The following PPP3CA variants were observed in gnomAD, a reference collection of about 807,000 sequenced individuals.
The protein encoded by PPP3CA is CAM-PRP catalytic subunit.
PPP3CA carries 14 observed loss-of-function variants against 66.5 expected under a neutral mutation model. The ratio of observed to expected loss-of-function variants is 0.21; its 90% CI spans 0.14 to 0.33. The LOEUF (loss-of-function observed/expected upper bound fraction) is 0.33, where lower values mean the gene tolerates loss of function less well. Ranked by LOEUF, PPP3CA falls within the 10% of genes least tolerant of loss-of-function variation. The pLI, the probability that PPP3CA is intolerant of heterozygous loss-of-function variation, is 1.00. For missense variants in PPP3CA, 317 were observed against 639.5 expected, an observed-to-expected ratio of 0.50 and a Z score of 5.44; for synonymous variants, 232 against 226.2, an observed-to-expected ratio of 1.03 and a Z score of -0.23.
chr4:101,034,127 T>TAAAC (rs1476984526), intron 11 of PPP3CA, among the ~76,000 whole-genome samples: 1 of 152,114 alleles, frequency 6.6e-6, no homozygotes, highest in Non-Finnish European at 1.5e-5. Context: ...GGCCTTAAAA[T>TAAAC]AAACAGCTAC....
chr4:101,221,278 C>A (rs1725615589), intron 1 of PPP3CA, among the ~76,000 whole-genome samples: 1 of 151,602 alleles, frequency 6.6e-6, no homozygotes, highest in South Asian at 2.1e-4. Flanking sequence ...AAGGGACTCA[C>A]ATGGAATTAT....
At chr4:101,275,256 T>C (rs1727453228) in intron 1 of PPP3CA, among the ~76,000 whole-genome samples, 1 of 152,200 alleles carries the variant, frequency 6.6e-6, no homozygotes, top group South Asian at 2.1e-4. Flanking sequence ...TTTGGTTAAC[T>C]GCCACCCATA....
intron 2 of PPP3CA, among the ~76,000 whole-genome samples, 190 bp downstream of exon 2, chr4:101,195,724 TAC>T (rs147870939): frequency 1.9e-3 from 289 of 152,346 alleles, no homozygotes; most frequent in East Asian, 0.014. Flanking sequence ...ATTGCAATCT[TAC>T]AGATATTTAA....
intron 1 of PPP3CA, among the ~76,000 whole-genome samples, chr4:101,237,144 C>A (rs985925620): frequency 2.7e-5 from 4 of 150,400 alleles, no homozygotes; most frequent in African/African-American, 9.8e-5. Flanking sequence ...TATTAGCTCT[C>A]TTTTTTCTAT....
intron 1 of PPP3CA, among the ~76,000 whole-genome samples, chr4:101,341,260 C>T (rs1729807238): frequency 6.7e-6 from 1 of 149,968 alleles, no homozygotes; most frequent in East Asian, 1.9e-4. Context: ...AAGCTTCCAC[C>T]TCAGCATCCC....
chr4:101,235,561 G>C lies in PPP3CA; in HGVS notation c.59-39445C>G, dbSNP rs76116283. Among the ~76,000 whole-genome samples, 20 of 151,884 alleles carry C rather than the reference G, an allele frequency of 1.3e-4. 1 individual carries two copies. The East Asian group carries it at 3.7e-3, about 28-fold the overall frequency. ...CTAATTAATAATTCTCCCCTCATTA[G>C]ACTATGAATTCCATGAAGAAAGATT... is the stretch of plus-strand genomic sequence containing the variant. On this transcript the variant is annotated intron_variant, in intron 1 of 13. Transcript: ENST00000394854.
rs946259328 is a variant in PPP3CA at position 101,323,449 on chromosome 4, T to A, written c.58+23290A>T. On this transcript the variant is annotated intron_variant, in intron 1 of 13. Transcript: ENST00000394854. ...GTGATGAGTGTTACTTGCTCCCTCT[T>A]CAGTCAAGGATGGACTGATTAACCC... Among the ~76,000 whole-genome samples the A allele has an allele frequency of 1.1e-4, 17 of 152,202 alleles. 1 individual carries two copies. Among genetic ancestry groups the A allele is most frequent in the African/African-American group, 3.9e-4 (16 of 41,452 alleles).
chr4:101,147,465 A>G (rs967673514), intron 2 of PPP3CA, among the ~76,000 whole-genome samples: 7 of 152,324 alleles, frequency 4.6e-5, no homozygotes, highest in Admixed American at 3.9e-4. Flanking sequence ...ATCAAAGGGT[A>G]CTAACTAAAA....
At chr4:101,097,664 A>T (rs17829004) in intron 5 of PPP3CA, among the ~76,000 whole-genome samples, 2 of 152,118 alleles carry the variant, frequency 1.3e-5, no homozygotes, top group South Asian at 4.1e-4. Flanking sequence ...AGTTAGAAAC[A>T]TACCAAAGAA....
At chr4:101,164,562 G>GTTTTTTTTTT (rs36078367) in intron 2 of PPP3CA, among the ~76,000 whole-genome samples, 1 of 142,190 alleles carries the variant, frequency 7.0e-6, no homozygotes, top group Non-Finnish European at 1.5e-5. Flanking sequence ...TGGGATTTAA[G>GTTTTTTTTTT]TTTTTTTTTT....
chr4:101,161,021 G>C (rs950807686), intron 2 of PPP3CA, among the ~76,000 whole-genome samples: 1 of 152,004 alleles, frequency 6.6e-6, no homozygotes, highest in African/African-American at 2.4e-5. Flanking sequence ...ATGATGGTAG[G>C]CCCATAAGAT....
At chr4:101,227,642 T>C (rs1725825845) in intron 1 of PPP3CA, among the ~76,000 whole-genome samples, 1 of 151,186 alleles carries the variant, frequency 6.6e-6, no homozygotes. Context: ...TTGCAGGGGG[T>C]TGGTGTACAG....
chr4:101,185,165 GAA>G (rs35724089), intron 2 of PPP3CA, among the ~76,000 whole-genome samples: 1 of 145,072 alleles, frequency 6.9e-6, no homozygotes, highest in African/African-American at 2.5e-5. Flanking sequence ...TTCTAACTAG[GAA>G]AAAAAAAAAG....
chr4:101,316,979 G>A (rs1314248920), intron 1 of PPP3CA, among the ~76,000 whole-genome samples: 2 of 152,070 alleles, frequency 1.3e-5, no homozygotes, highest in Admixed American at 1.3e-4. Flanking sequence ...ATAGAGGAAG[G>A]AGTCATTTCA....
At chr4:101,069,529 A>G (rs957955883) in intron 8 of PPP3CA, among the ~76,000 whole-genome samples, 10 of 152,334 alleles carry the variant, frequency 6.6e-5, no homozygotes, top group African/African-American at 2.4e-4. Context: ...TGAAGGGCAG[A>G]GATGGCAATA....
chr4:101,211,367 G>C (rs1036998966), intron 1 of PPP3CA, among the ~76,000 whole-genome samples: 26 of 152,234 alleles, frequency 1.7e-4, no homozygotes, highest in Non-Finnish European at 2.9e-4. Flanking sequence ...GATGGACATA[G>C]AAAGCCTTAA....
chr4:101,339,902 G>A (rs1209367892), intron 1 of PPP3CA, among the ~76,000 whole-genome samples: 1 of 152,070 alleles, frequency 6.6e-6, no homozygotes, highest in African/African-American at 2.4e-5. Flanking sequence ...GAAAGAACTG[G>A]ACATTTTAAA....
chr4:101,167,945 T>G (rs1578514852), intron 2 of PPP3CA, among the ~76,000 whole-genome samples: 2 of 152,268 alleles, frequency 1.3e-5, no homozygotes, highest in East Asian at 1.9e-4. Context: ...GGTAAAGCAC[T>G]TATCCTCTTG....
intron 1 of PPP3CA, among the ~76,000 whole-genome samples, chr4:101,252,919 T>C (rs1003840030): frequency 6.6e-6 from 1 of 152,168 alleles, no homozygotes; most frequent in Non-Finnish European, 1.5e-5. Flanking sequence ...GCAAGGCTGT[T>C]AGCCAGCTGC....
Sources: gnomAD v4.1 joint callset for allele counts (sites outside exome capture counted in the v4.1 genomes callset) on GRCh38, gnomAD v4.1.1 for gene constraint, MANE v1.5 for transcripts, NCBI Gene and HGNC (gene_info 2026-07-23, HGNC 2026-07-21) for gene names.